Variants in CDH23 observed in about 807,000 individuals in gnomAD.
The protein encoded by CDH23 is cadherin-23.
CDH23 carries 189 observed loss-of-function variants against 317.1 expected under a neutral mutation model. The ratio of observed to expected loss-of-function variants is 0.60; its 90% CI spans 0.53 to 0.67. CDH23 has a LOEUF of 0.67. CDH23 is among the 30% of genes least tolerant of loss of function. CDH23 has a pLI of 0.00. For synonymous variants in CDH23, 1,839 were observed against 1,876.8 expected, an observed-to-expected ratio of 0.98 and a Z score of 0.52; for missense variants, 4,401 against 4,592.4, an observed-to-expected ratio of 0.96 and a Z score of 1.20.
intron 32 of CDH23, among the ~76,000 whole-genome samples, chr10:71,733,386 A>G (rs1407781380): frequency 6.6e-6 from 1 of 152,142 alleles, no homozygotes; most frequent in Non-Finnish European, 1.5e-5. Context: ...TATTAACTGA[A>G]TCTCCAGCCT....
intron 6 of CDH23, among the ~76,000 whole-genome samples, chr10:71,513,215 G>A (rs1471300634): frequency 6.6e-6 from 1 of 152,134 alleles, no homozygotes; most frequent in East Asian, 1.9e-4. Context: ...TGCCCTGCTT[G>A]GGGCTGCTCA....
At chr10:71,693,494 T>G (rs1333294207) in intron 20 of CDH23, among the ~76,000 whole-genome samples, 2 of 152,252 alleles carry the variant, frequency 1.3e-5, no homozygotes, top group Non-Finnish European at 2.9e-5. Flanking sequence ...ATTTTATAAC[T>G]ATTAATTATC....
At chr10:71,700,967 T>C (rs2132728470) in intron 22 of CDH23, among the ~76,000 whole-genome samples, 1 of 152,328 alleles carries the variant, frequency 6.6e-6, no homozygotes, top group East Asian at 1.9e-4. Flanking sequence ...CTGACAAGCC[T>C]GGCTGTCATC....
At chr10:71,403,335 CTTTCTTT>C (rs1847883921) in intron 1 of CDH23, among the ~76,000 whole-genome samples, 1 of 29,366 alleles carries the variant, frequency 3.4e-5, no homozygotes, top group Non-Finnish European at 6.4e-5. Context: ...TCCTTTCTTT[CTTTCTTT>C]CTTTCTTTCT....
chr10:71,716,254 G>T (rs1394373901), intron 28 of CDH23: 1 of 1,546,070 alleles, frequency 6.5e-7, no homozygotes, highest in Middle Eastern at 1.7e-4. Context: ...CCTCTGCAAG[G>T]GTCCCGGGAG....
chr10:71,707,457 G>A, intron 26 of CDH23: 4 of 1,204,288 alleles, frequency 3.3e-6, no homozygotes, highest in Admixed American at 3.9e-5. Context: ...ATTCCCACCT[G>A]TTTAGAGGCA....
At chr10:71,653,377 T>A (rs921649208) in intron 14 of CDH23, among the ~76,000 whole-genome samples, 4 of 151,808 alleles carry the variant, frequency 2.6e-5, no homozygotes, top group Non-Finnish European at 2.9e-5. Flanking sequence ...GGCCTCTCCC[T>A]CTGCTCTGTA....
rs72642227 is a variant in CDH23, at chr10:71,433,651, G to T, written c.-5-6176G>T. Among the ~76,000 whole-genome samples the T allele has an allele frequency of 8.5e-3, 1,288 of 151,606 alleles. 62 individuals are homozygous for T. The East Asian group carries it at 0.11, about 13-fold the overall frequency. On this transcript the variant is annotated intron_variant, in intron 1 of 69. Coordinates refer to ENST00000224721, the MANE Select transcript of CDH23 (RefSeq NM_022124.6). The stretch of plus-strand genomic sequence containing the variant: ...CTCGCCATGTCTCAAATGAACTTCC[G>T]ATCTTGTCCCTCAGCCAGCTCCACC...
intron 41 of CDH23, 119 bp from the exon 42 acceptor site, chr10:71,784,168 C>A (rs1589419399): frequency 2.8e-6 from 3 of 1,090,788 alleles, no homozygotes; most frequent in East Asian, 2.6e-5. Flanking sequence ...AGGACCCGGG[C>A]CCCAGCTGTC....
intron 14 of CDH23, among the ~76,000 whole-genome samples, chr10:71,658,956 C>T (rs755577076): frequency 2.6e-5 from 4 of 152,210 alleles, no homozygotes; most frequent in Non-Finnish European, 5.9e-5. Context: ...GAAGGGGCCT[C>T]AGCGTCCTCA....
In CDH23 at chr10:71,712,714, C is replaced by T; in HGVS notation, c.3270C>T (p.Val1090=). ...KRHTGTATVF[V]TVLDVNDNRP... Reference sequence around the variant, plus strand: ...ACACGGGCACAGCCACCGTGTTCGTCACTGTCCTGGATGTGAATGACAACC... The same window carrying T: ...ACACGGGCACAGCCACCGTGTTCGTTACTGTCCTGGATGTGAATGACAACC... Residue 1090 remains valine (V), a synonymous_variant, in exon 28 of 70, where the codon GTC becomes GTT. Transcript: ENST00000224721. 1 of 1,613,740 alleles carries T rather than the reference C, an allele frequency of 6.2e-7. No homozygotes were observed. The highest frequency in any genetic ancestry group is 8.5e-7 in the Non-Finnish European group (1 of 1,179,878).
chr10:71,491,102 G>A (rs1314760145), intron 3 of CDH23, among the ~76,000 whole-genome samples: 2 of 152,238 alleles, frequency 1.3e-5, no homozygotes, highest in Non-Finnish European at 2.9e-5. Flanking sequence ...TGCACCAAAT[G>A]CATCGATTGG....
intron 6 of CDH23, among the ~76,000 whole-genome samples, chr10:71,551,198 A>C (rs1856576782): frequency 6.6e-6 from 1 of 152,266 alleles, no homozygotes; most frequent in Non-Finnish European, 1.5e-5. Flanking sequence ...AGTGTCGCCC[A>C]ATTAATATCT....
chr10:71,502,455 C>T (rs1853390551), intron 3 of CDH23, among the ~76,000 whole-genome samples: 1 of 152,166 alleles, frequency 6.6e-6, no homozygotes, highest in Non-Finnish European at 1.5e-5. Flanking sequence ...CCTAGAAAAG[C>T]AGTAGTTAAT....
intron 6 of CDH23, among the ~76,000 whole-genome samples, chr10:71,523,576 G>C (rs945342675): frequency 2.0e-5 from 3 of 152,200 alleles, no homozygotes; most frequent in Non-Finnish European, 4.4e-5. Context: ...CGGGAGGCAC[G>C]GGTCGGAGCC....
At chr10:71,690,396 C>A in intron 19 of CDH23, 72 bp from the exon 20 acceptor site, 2 of 1,155,390 alleles carry the variant, frequency 1.7e-6, no homozygotes, top group Non-Finnish European at 2.5e-6. Flanking sequence ...ATGCTGCTCC[C>A]AGGGCTGGGG....
intron 32 of CDH23, chr10:71,732,608 G>A (rs1178041501): frequency 1.7e-5 from 23 of 1,392,090 alleles, no homozygotes; most frequent in South Asian, 1.6e-4. Context: ...ACTCCAGCCC[G>A]GGCAACAGAG....
intron 31 of CDH23, among the ~76,000 whole-genome samples, chr10:71,731,405 G>A (rs1380360909): frequency 6.6e-6 from 1 of 152,236 alleles, no homozygotes; most frequent in African/African-American, 2.4e-5. Flanking sequence ...TCTCAGGCAT[G>A]TTAGGAGAGT....
intron 19 of CDH23, among the ~76,000 whole-genome samples, chr10:71,688,756 T>A (rs1342728761): frequency 2.2e-4 from 18 of 81,428 alleles, no homozygotes; most frequent in Non-Finnish European, 3.8e-4. Flanking sequence ...CCAGGGGTGG[T>A]GGAGCCAGGG....
Sources: allele counts gnomAD v4.1 joint callset (sites outside exome capture counted in the v4.1 genomes callset), GRCh38; gene constraint gnomAD v4.1.1; transcripts MANE v1.5; gene names NCBI Gene and HGNC (gene_info 2026-07-23, HGNC 2026-07-21).